VWA3B: variants seen among roughly 807,000 people sequenced by gnomAD.
The protein encoded by VWA3B is von Willebrand factor A domain-containing protein 3B.
VWA3B carries 138 observed loss-of-function variants against 158.3 expected under a neutral mutation model. That is an observed-to-expected ratio of 0.87 (90% CI 0.76 to 1.00). The LOEUF (loss-of-function observed/expected upper bound fraction) is 1.00. Among genes scored for constraint, VWA3B ranks in the 50% least tolerant of loss-of-function variants. The pLI is 0.00. For missense variants in VWA3B, 1,555 were observed against 1,565.1 expected, an observed-to-expected ratio of 0.99 and a Z score of 0.11; for synonymous variants, 596 against 587.3, an observed-to-expected ratio of 1.01 and a Z score of -0.21.
At position 98,208,391 on chromosome 2, in the gene VWA3B, TTTTA is replaced by T. The variant is rs913375658; in HGVS notation, c.1738-3528_1738-3525del. On this transcript the variant is annotated intron_variant, in intron 12 of 27. Transcript: ENST00000477737. ...TCATATTTAAGGATTAAGTGTCTCA[TTTTA>T]TTTATTTATTATTTTTGTGTGTCTC... is the stretch of plus-strand genomic sequence containing the variant. Among the ~76,000 whole-genome samples, 5 of 152,258 alleles carry T rather than the reference TTTTA, an allele frequency of 3.3e-5. No individual in the cohort carries two copies. The Middle Eastern group carries it at 0.01, about 311-fold the overall frequency.
intron 7 of VWA3B, among the ~76,000 whole-genome samples, chr2:98,152,239 G>C (rs1677697083): frequency 6.6e-6 from 1 of 152,196 alleles, no homozygotes; most frequent in Non-Finnish European, 1.5e-5. Flanking sequence ...CTACTTCTCT[G>C]TTGTCAGACT....
chr2:98,257,020 G>C (rs1485728184), intron 21 of VWA3B, among the ~76,000 whole-genome samples: 2 of 152,028 alleles, frequency 1.3e-5, no homozygotes, highest in Non-Finnish European at 2.9e-5. Context: ...TCCCTACTGT[G>C]TTGTCAAGTG....
At chr2:98,108,843 C>T (rs1437961831) in intron 2 of VWA3B, among the ~76,000 whole-genome samples, 1 of 151,938 alleles carries the variant, frequency 6.6e-6, no homozygotes, top group African/African-American at 2.4e-5. Context: ...TTACAATTAA[C>T]TTGATTATTG....
intron 14 of VWA3B, among the ~76,000 whole-genome samples, chr2:98,220,711 G>T (rs907328086): frequency 2.0e-5 from 3 of 152,130 alleles, no homozygotes; most frequent in Admixed American, 2.0e-4. Flanking sequence ...CAAAGACATG[G>T]AACCAACCCA....
intron 7 of VWA3B, among the ~76,000 whole-genome samples, chr2:98,155,945 C>T (rs555845121): frequency 1.3e-5 from 2 of 152,292 alleles, no homozygotes; most frequent in South Asian, 2.1e-4. Flanking sequence ...GCCTCTCTCA[C>T]GTCTTAGACT....
intron 8 of VWA3B, among the ~76,000 whole-genome samples, chr2:98,178,886 T>A (rs1431178536): frequency 6.6e-6 from 1 of 152,174 alleles, no homozygotes; most frequent in Admixed American, 6.5e-5. Context: ...ACATCCTACG[T>A]GATAGTTCAT....
rs1270695590 is a variant in VWA3B, at chr2:98,128,309, C to T, written c.773C>T (p.Ala258Val). Residue 258 changes from alanine (A) to valine (V), a missense_variant, in exon 6 of 28, where the codon GCC (alanine) becomes GTC (valine). Transcript: ENST00000477737. ...EESKELLLQR[A>V]LEIPCPVYTV... ...TCCAAGGAGCTTCTCCTCCAGAGGG[C>T]CTTGGAGATCCCGTGTCCAGTCTAC... 6.2e-7 allele frequency: 1 copy of T among 1,614,090 alleles called. No homozygotes were observed. The highest frequency in any genetic ancestry group is 1.7e-5 in the Admixed American group (1 of 60,018).
rs775630952 is a variant in VWA3B at position 98,300,188 on chromosome 2, A to G, written c.3392A>G (p.Tyr1131Cys). The G allele has an allele frequency of 2.5e-6, 4 of 1,614,030 alleles. No homozygotes were observed. The East Asian group carries it at 8.9e-5, about 36-fold the overall frequency. Reference protein sequence around the residue: ...PNKHVATEKFYTVLKCNNRRE... With the variant: ...PNKHVATEKFCTVLKCNNRRE... ...AAGCATGTGGCCACAGAAAAATTCT[A>G]CACAGTTTTGAAGTGTAACAACCGG... is the stretch of plus-strand genomic sequence containing the variant. Residue 1131 changes from tyrosine (Y) to cysteine (C), a missense_variant, in exon 25 of 28, where the codon TAC becomes TGC. By Grantham distance (194) the Tyr-to-Cys change is radical. Transcript: ENST00000477737.
At chr2:98,238,131 C>G (rs1047389967) in intron 19 of VWA3B, among the ~76,000 whole-genome samples, 2 of 152,128 alleles carry the variant, frequency 1.3e-5, no homozygotes, top group Non-Finnish European at 2.9e-5. Context: ...GAATTTTATT[C>G]TATTAGCACA....
At chr2:98,305,983 C>G (rs1350184776) in intron 26 of VWA3B, among the ~76,000 whole-genome samples, 1 of 152,154 alleles carries the variant, frequency 6.6e-6, no homozygotes, top group Non-Finnish European at 1.5e-5. Context: ...TCACTTGTCC[C>G]TAGCCACTCC....
chr2:98,263,179 G>C (rs116191644), intron 21 of VWA3B, among the ~76,000 whole-genome samples: 1,905 of 151,582 alleles, frequency 0.013, 44 homozygotes, highest in African/African-American at 0.044. Context: ...GAATCTTTAG[G>C]GTTTTCTACA....
chr2:98,106,651 G>T (rs927612763), intron 2 of VWA3B, among the ~76,000 whole-genome samples: 7 of 152,000 alleles, frequency 4.6e-5, no homozygotes, highest in African/African-American at 1.7e-4. Context: ...TTTAGCAGTT[G>T]TAGATGGAAT....
intron 21 of VWA3B, among the ~76,000 whole-genome samples, chr2:98,267,258 G>T (rs201376434): frequency 0.19 from 28,321 of 151,436 alleles, 3,007 homozygotes; most frequent in Admixed American, 0.34. Context: ...TAGCATGAAG[G>T]GTTGTTGAAT....
intron 19 of VWA3B, among the ~76,000 whole-genome samples, chr2:98,247,073 C>T (rs1415217055): frequency 2.0e-5 from 3 of 151,846 alleles, no homozygotes; most frequent in Non-Finnish European, 2.9e-5. Flanking sequence ...TCTCGGCTCA[C>T]TGAAACCTCC....
intron 25 of VWA3B, among the ~76,000 whole-genome samples, chr2:98,302,973 T>C (rs541552985): frequency 6.6e-6 from 1 of 152,240 alleles, no homozygotes; most frequent in South Asian, 2.1e-4. Flanking sequence ...AAAAAACCCC[T>C]TGGAGAAAAT....
At chr2:98,113,676 ACTT>A (rs1384108677) in intron 2 of VWA3B, among the ~76,000 whole-genome samples, 1 of 152,200 alleles carries the variant, frequency 6.6e-6, no homozygotes, top group African/African-American at 2.4e-5. Context: ...GAAACTCTGT[ACTT>A]CTTAGCTCTA....
At chr2:98,192,122 T>G (rs1681638901) in intron 10 of VWA3B, 1 of 152,332 alleles carries the variant, frequency 6.6e-6, no homozygotes, top group Non-Finnish European at 1.5e-5. Context: ...TTCACTAGCT[T>G]GACGGCAGTC....
chr2:98,308,798 C>T (rs1048389789), intron 26 of VWA3B, among the ~76,000 whole-genome samples: 3 of 152,232 alleles, frequency 2.0e-5, no homozygotes, highest in African/African-American at 7.2e-5. Context: ...AGCTAGAACT[C>T]TCTCCCAGAT....
chr2:98,235,059 G>A (rs1275360706), intron 17 of VWA3B, among the ~76,000 whole-genome samples: 4 of 152,062 alleles, frequency 2.6e-5, no homozygotes, highest in Non-Finnish European at 5.9e-5. Context: ...ATATTTCATA[G>A]TTGATTTTTT....
Sources: gnomAD v4.1 joint callset for allele counts (sites outside exome capture counted in the v4.1 genomes callset) on GRCh38, gnomAD v4.1.1 for gene constraint, MANE v1.5 for transcripts, NCBI Gene and HGNC (gene_info 2026-07-23, HGNC 2026-07-21) for gene names.